Variants in CDKAL1 observed in about 807,000 individuals in gnomAD.
CDKAL1 encodes threonylcarbamoyladenosine tRNA methylthiotransferase.
Under a neutral mutation model 68.2 loss-of-function variants are expected in CDKAL1, and 32 were observed. That is an observed-to-expected ratio of 0.47 (90% confidence interval 0.35 to 0.63). CDKAL1 has a LOEUF of 0.63. Among genes scored for constraint, CDKAL1 ranks in the 30% least tolerant of loss-of-function variants. CDKAL1 has a pLI of 0.00. For synonymous variants in CDKAL1, 234 were observed against 244.3 expected, an observed-to-expected ratio of 0.96 and a Z score of 0.39; for missense variants, 606 against 696.7, an observed-to-expected ratio of 0.87 and a Z score of 1.47.
intron 9 of CDKAL1, among the ~76,000 whole-genome samples, chr6:20,879,256 C>T (rs1760694240): frequency 6.6e-6 from 1 of 152,072 alleles, no homozygotes; most frequent in Non-Finnish European, 1.5e-5. Context: ...TCAGGCTGCC[C>T]CAAAGGGGCA....
chr6:21,146,505 C>CT (rs1267794470), intron 13 of CDKAL1, among the ~76,000 whole-genome samples: 1 of 152,098 alleles, frequency 6.6e-6, no homozygotes, highest in Non-Finnish European at 1.5e-5. Flanking sequence ...GAGGAAAACT[C>CT]TTTTTGACAG....
chr6:21,196,457 C>G (rs183125634), intron 13 of CDKAL1, among the ~76,000 whole-genome samples: 5 of 152,208 alleles, frequency 3.3e-5, no homozygotes, highest in African/African-American at 4.8e-5. Context: ...GTTGCCAGAA[C>G]TTCCATTGTT....
chr6:20,550,883 T>TCC, intron 4 of CDKAL1, among the ~76,000 whole-genome samples: 1 of 144,460 alleles, frequency 6.9e-6, no homozygotes, highest in African/African-American at 2.7e-5. Flanking sequence ...TTTTTTTTTT[T>TCC]TGAGACAGAG....
At chr6:20,726,786 C>A (rs1772676399) in intron 5 of CDKAL1, among the ~76,000 whole-genome samples, 1 of 152,090 alleles carries the variant, frequency 6.6e-6, no homozygotes, top group Non-Finnish European at 1.5e-5. Context: ...GGGGGAAAAG[C>A]TACATATTTA....
intron 8 of CDKAL1, among the ~76,000 whole-genome samples, chr6:20,836,240 G>A (rs1212308761): frequency 6.6e-6 from 1 of 152,152 alleles, no homozygotes; most frequent in Non-Finnish European, 1.5e-5. Flanking sequence ...TGACGATTAT[G>A]TTACAAAGGC....
intron 13 of CDKAL1, among the ~76,000 whole-genome samples, chr6:21,190,223 G>A (rs771043479): frequency 2.0e-5 from 3 of 152,060 alleles, no homozygotes; most frequent in African/African-American, 4.8e-5. Context: ...TCGAAAAATT[G>A]TATTTTATTT....
At chr6:20,772,587 C>T (rs4712542) in intron 7 of CDKAL1, among the ~76,000 whole-genome samples, 10,150 of 152,170 alleles carry the variant, frequency 0.067, 514 homozygotes, top group Non-Finnish European at 0.091. Context: ...TTATATGTAT[C>T]CTTTGTTTAA....
At chr6:21,161,590 A>G (rs552582776) in intron 13 of CDKAL1, among the ~76,000 whole-genome samples, 73 of 152,336 alleles carry the variant, frequency 4.8e-4, no homozygotes, top group African/African-American at 1.7e-3. Context: ...TAATATATTT[A>G]TAGGGGTGAT....
At chr6:21,031,137 G>C (rs1461412009) in intron 11 of CDKAL1, among the ~76,000 whole-genome samples, 1 of 151,992 alleles carries the variant, frequency 6.6e-6, no homozygotes. Context: ...CCTCTCCCAA[G>C]CTCACTGGTT....
At chr6:21,105,768 G>C (rs1479834920) in intron 12 of CDKAL1, among the ~76,000 whole-genome samples, 1 of 152,154 alleles carries the variant, frequency 6.6e-6, no homozygotes, top group Non-Finnish European at 1.5e-5. Flanking sequence ...AGAAACAGAA[G>C]CAAGACAGGG....
rs57971935 is a variant in CDKAL1, at chr6:20,754,919, C to A, written c.469-3676C>A. Among the ~76,000 whole-genome samples the A allele has an allele frequency of 8.4e-3, 1,280 of 152,246 alleles. 14 individuals carry two copies. Among genetic ancestry groups the A allele is most frequent in the African/African-American group, 0.028 (1,174 of 41,562 alleles). ...TTTATGGCTGTGTTTTCTTCTAAGA[C>A]TTTTATAGTTTTAGCTTACCCTCAA... On this transcript the variant is annotated intron_variant, in intron 6 of 15. Transcript: ENST00000274695.
At chr6:20,948,755 T>C in intron 9 of CDKAL1, among the ~76,000 whole-genome samples, 1 of 152,202 alleles carries the variant, frequency 6.6e-6, no homozygotes, top group East Asian at 1.9e-4. Context: ...GTATTAAAAA[T>C]GCCCATATAT....
chr6:21,132,675 A>T (rs1329219645), intron 13 of CDKAL1, among the ~76,000 whole-genome samples: 1 of 152,078 alleles, frequency 6.6e-6, no homozygotes, highest in African/African-American at 2.4e-5. Context: ...TCACTTCATT[A>T]TCCTTTTTTT....
chr6:21,027,980 C>T (rs976267696), intron 11 of CDKAL1, among the ~76,000 whole-genome samples: 53 of 152,150 alleles, frequency 3.5e-4, no homozygotes, highest in African/African-American at 1.2e-3. Context: ...TAAGGAGAAC[C>T]AGAGAGGAAG....
intron 8 of CDKAL1, among the ~76,000 whole-genome samples, chr6:20,831,953 A>T (rs1412244610): frequency 5.9e-5 from 9 of 152,152 alleles, no homozygotes. Context: ...TCAACTTCTG[A>T]TCGCCGGCCA....
intron 7 of CDKAL1, among the ~76,000 whole-genome samples, chr6:20,772,051 T>C (rs1056904423): frequency 5.9e-5 from 9 of 152,364 alleles, no homozygotes; most frequent in South Asian, 4.1e-4. Flanking sequence ...TCCTTATGTC[T>C]TGTACATTTT....
At chr6:21,189,375 A>G (rs969356122) in intron 13 of CDKAL1, among the ~76,000 whole-genome samples, 5 of 152,274 alleles carry the variant, frequency 3.3e-5, no homozygotes, top group Non-Finnish European at 7.3e-5. Flanking sequence ...AAGCATATAT[A>G]CTTAAAAATA....
chr6:21,142,621 A>T (rs1167722489), intron 13 of CDKAL1, among the ~76,000 whole-genome samples: 1 of 152,236 alleles, frequency 6.6e-6, no homozygotes, highest in Admixed American at 6.5e-5. Context: ...AGTGCCAGGT[A>T]TTATGAAGAT....
intron 7 of CDKAL1, among the ~76,000 whole-genome samples, chr6:20,766,122 A>G (rs1166296727): frequency 6.6e-6 from 1 of 152,158 alleles, no homozygotes; most frequent in Non-Finnish European, 1.5e-5. Context: ...ATGGTCTTAC[A>G]TGCTTTTTGT....
Sources: gnomAD v4.1 joint callset for allele counts (sites outside exome capture counted in the v4.1 genomes callset) on GRCh38, gnomAD v4.1.1 for gene constraint, MANE v1.5 for transcripts, NCBI Gene and HGNC (gene_info 2026-07-23, HGNC 2026-07-21) for gene names.